TMEM178B: variants seen among roughly 807,000 people sequenced by gnomAD.
TMEM178B encodes transmembrane protein 178B.
TMEM178B carries 5 observed loss-of-function variants against 31.0 expected under a neutral mutation model. That is an observed-to-expected ratio of 0.16 (90% CI 0.08 to 0.34). The LOEUF is 0.34. Among genes scored for constraint, TMEM178B ranks in the 10% least tolerant of loss-of-function variants. The pLI is 1.00. For missense variants in TMEM178B, 275 were observed against 400.3 expected (o/e 0.69, Z 2.67); for synonymous variants, 164 against 164.0 (o/e 1.00, Z 0.00).
Position 141,158,481 on chromosome 7 carries a change from G to A in TMEM178B, c.383-54110G>A, listed in dbSNP as rs1396833127. ...TCAATGTCTGTATCCCTTATATCCG[G>A]ATGTTGCTAAGAACACAATAGGTGC... On this transcript the variant is annotated intron_variant, in intron 1 of 3. Transcript: ENST00000565468. Among the ~76,000 whole-genome samples, 5 of 152,158 alleles carry A rather than the reference G, an allele frequency of 3.3e-5. No individual in the cohort carries two copies. In the South Asian group the frequency reaches 8.3e-4, roughly 25 times the overall value.
the TMEM178B span, among the ~76,000 whole-genome samples, chr7:141,499,571 C>T: frequency 6.6e-6 from 1 of 151,358 alleles, no homozygotes; most frequent in Non-Finnish European, 1.5e-5. Context: ...CCTGGGAGGT[C>T]GAGGCTTCAG....
At chr7:141,211,597 T>C (rs931752323) in intron 1 of TMEM178B, among the ~76,000 whole-genome samples, 15 of 152,156 alleles carry the variant, frequency 9.9e-5, no homozygotes, top group African/African-American at 3.6e-4. Context: ...TGCTCTGACA[T>C]TGAGTCTTTA....
chr7:141,351,517 A>G (rs531036804), intron 2 of TMEM178B, among the ~76,000 whole-genome samples: 5 of 152,344 alleles, frequency 3.3e-5, no homozygotes, highest in Middle Eastern at 3.4e-3. Flanking sequence ...CTGTTGCTCA[A>G]AGTAAGTCAC....
chr7:141,444,434 T>C (rs1400271312), intron 3 of TMEM178B, among the ~76,000 whole-genome samples: 1 of 152,232 alleles, frequency 6.6e-6, no homozygotes, highest in Non-Finnish European at 1.5e-5. Flanking sequence ...AAATACCCCA[T>C]CTTATCTTCT....
intron 1 of TMEM178B, among the ~76,000 whole-genome samples, chr7:141,177,270 A>G (rs1796449437): frequency 6.6e-6 from 1 of 152,126 alleles, no homozygotes; most frequent in Admixed American, 6.5e-5. Flanking sequence ...GAGTTTCTTA[A>G]TCCTGAGTTC....
intron 2 of TMEM178B, among the ~76,000 whole-genome samples, chr7:141,354,853 A>G (rs563205242): frequency 2.0e-5 from 3 of 152,128 alleles, no homozygotes; most frequent in Non-Finnish European, 4.4e-5. Flanking sequence ...TCATCTCCTC[A>G]GGACTCCAGT....
chr7:141,428,362 C>G (rs535209088), intron 2 of TMEM178B, among the ~76,000 whole-genome samples: 116 of 122,344 alleles, frequency 9.5e-4, no homozygotes, highest in African/African-American at 3.7e-3. Context: ...AAGCGAGACT[C>G]CACCTCAAAA....
At chr7:141,345,474 C>T (rs924496499) in intron 2 of TMEM178B, among the ~76,000 whole-genome samples, 14 of 152,116 alleles carry the variant, frequency 9.2e-5, no homozygotes, top group African/African-American at 3.4e-4. Flanking sequence ...TAGTCTCTTT[C>T]TTTGCCAAGC....
intron 2 of TMEM178B, among the ~76,000 whole-genome samples, chr7:141,307,634 C>T (rs1457183978): frequency 2.0e-5 from 3 of 152,226 alleles, no homozygotes; most frequent in African/African-American, 7.2e-5. Flanking sequence ...TCCCCGTTCT[C>T]CCTGACTCTC....
intron 1 of TMEM178B, among the ~76,000 whole-genome samples, chr7:141,139,787 G>C (rs1688004184): frequency 6.7e-6 from 1 of 149,936 alleles, no homozygotes. Flanking sequence ...TTTTGAGACA[G>C]AGTCTCTCAC....
intron 2 of TMEM178B, among the ~76,000 whole-genome samples, chr7:141,313,506 G>C (rs921570467): frequency 7.2e-5 from 11 of 152,188 alleles, no homozygotes; most frequent in Admixed American, 3.3e-4. Context: ...CTAACTTGTG[G>C]AAACAGACCA....
intron 2 of TMEM178B, among the ~76,000 whole-genome samples, chr7:141,394,966 T>A (rs749427342): frequency 1.9e-4 from 29 of 152,316 alleles, no homozygotes; most frequent in Admixed American, 1.0e-3. Context: ...CCACCTATGA[T>A]CCCTTTGACC....
chr7:141,501,508 G>A, the TMEM178B span, among the ~76,000 whole-genome samples: 8 of 152,150 alleles, frequency 5.3e-5, no homozygotes, highest in African/African-American at 1.2e-4. Context: ...TTGGCTAAGC[G>A]ATGGTGCCCA....
chr7:141,326,823 T>C (rs997657803), intron 2 of TMEM178B, among the ~76,000 whole-genome samples: 1 of 152,226 alleles, frequency 6.6e-6, no homozygotes, highest in African/African-American at 2.4e-5. Flanking sequence ...TCTGCAACAA[T>C]GCAAATCTTC....
intron 2 of TMEM178B, among the ~76,000 whole-genome samples, chr7:141,395,908 T>A (rs566845829): frequency 1.3e-5 from 2 of 152,198 alleles, no homozygotes; most frequent in African/African-American, 2.4e-5. Flanking sequence ...TATACAGCGT[T>A]GCTTCATATT....
chr7:141,484,232 G>A (rs747303621), downstream of TMEM178B, among the ~76,000 whole-genome samples: 2 of 152,196 alleles, frequency 1.3e-5, no homozygotes, highest in African/African-American at 2.4e-5. This position sits in a 1 kb window ranked among gnomAD's most constrained non-coding sequence, Gnocchi z 4.8. Context: ...ATAAAATCAT[G>A]TTTTGAAATA....
intron 1 of TMEM178B, among the ~76,000 whole-genome samples, chr7:141,096,973 C>T (rs1291426303): frequency 6.6e-6 from 1 of 151,892 alleles, no homozygotes; most frequent in African/African-American, 2.4e-5. Context: ...GCCTGTAGTC[C>T]CAGCTACTCA....
rs576532951 is a variant in TMEM178B, at chr7:141,268,917, C to T, written c.496+56213C>T. 3.7e-4 allele frequency among the ~76,000 whole-genome samples: 56 copies of T among 152,276 alleles called. No individual in the cohort carries two copies. In the South Asian group the frequency reaches 8.1e-3, roughly 22 times the overall value. On this transcript the variant is annotated intron_variant, in intron 2 of 3. Transcript: ENST00000565468. The stretch of plus-strand genomic sequence containing the variant: ...GAGTGTTCTGAGAAAGTTAACAAAG[C>T]TTTAGCAGAAAATGCCGTGGTGGAG...
At chr7:141,463,396 C>G (rs998836292) in intron 3 of TMEM178B, among the ~76,000 whole-genome samples, 2 of 152,196 alleles carry the variant, frequency 1.3e-5, no homozygotes, top group African/African-American at 4.8e-5. Flanking sequence ...AATGACATAC[C>G]TTAGCTCCCC....
Sources: gnomAD v4.1 joint callset for allele counts (sites outside exome capture counted in the v4.1 genomes callset) on GRCh38, gnomAD v4.1.1 for gene constraint, Gnocchi (gnomAD v3.1) non-coding constraint, MANE v1.5 for transcripts, NCBI Gene and HGNC (gene_info 2026-07-23, HGNC 2026-07-21) for gene names.